Variants in TTC28 observed in about 807,000 individuals in gnomAD.
TTC28 encodes the protein tetratricopeptide repeat protein 28.
In TTC28, 61 loss-of-function variants were observed where a neutral mutation model predicts 198.0. That is an observed-to-expected ratio of 0.31 (90% CI 0.25 to 0.38). TTC28 has a LOEUF of 0.38. TTC28 is among the 10% of genes least tolerant of loss of function. TTC28 has a pLI of 1.00. For missense variants in TTC28, 2,678 were observed against 3,164.0 expected (o/e 0.85, Z 3.69); for synonymous variants, 1,171 against 1,297.8 (o/e 0.90, Z 2.10).
intron 2 of TTC28, among the ~76,000 whole-genome samples, chr22:28,450,093 T>C (rs2047758031): frequency 6.6e-6 from 1 of 152,126 alleles, no homozygotes; most frequent in Non-Finnish European, 1.5e-5. Flanking sequence ...TAAGGATATA[T>C]ATTGATGTAG....
intron 2 of TTC28, among the ~76,000 whole-genome samples, chr22:28,380,825 T>C (rs915076460): frequency 6.6e-6 from 1 of 152,166 alleles, no homozygotes; most frequent in Admixed American, 6.5e-5. Flanking sequence ...CAGGATGTGC[T>C]ATTATCACTA....
At chr22:28,086,202 G>A (rs1054428697) in intron 12 of TTC28, among the ~76,000 whole-genome samples, 3 of 152,174 alleles carry the variant, frequency 2.0e-5, no homozygotes, top group Non-Finnish European at 4.4e-5. Flanking sequence ...CAAATCAACA[G>A]AATATACATT....
At chr22:28,544,887 T>C (rs2049502942) in intron 2 of TTC28, among the ~76,000 whole-genome samples, 1 of 152,188 alleles carries the variant, frequency 6.6e-6, no homozygotes, top group Non-Finnish European at 1.5e-5. Flanking sequence ...TGCCCACCTC[T>C]TTCCCAGAAG....
At chr22:28,152,053 G>A (rs1396006584) in intron 6 of TTC28, among the ~76,000 whole-genome samples, 1 of 152,146 alleles carries the variant, frequency 6.6e-6, no homozygotes, top group African/African-American at 2.4e-5. Context: ...TTTGGATCCT[G>A]CCTCTGCTGC....
chr22:28,030,098 TG>T, intron 13 of TTC28, 127 bp downstream of exon 13: 1 of 1,346,564 alleles, frequency 7.4e-7, no homozygotes, highest in Non-Finnish European at 9.9e-7. Context: ...GCATCATGCT[TG>T]CTGCTGCAAA....
chr22:28,463,721 T>C (rs1056146814), intron 2 of TTC28, among the ~76,000 whole-genome samples: 3 of 151,568 alleles, frequency 2.0e-5, no homozygotes, highest in African/African-American at 4.9e-5. Context: ...ATGAGGACAC[T>C]TGGACACAGG....
chr22:28,276,829 T>A (rs1363107177), intron 5 of TTC28, among the ~76,000 whole-genome samples: 4 of 152,192 alleles, frequency 2.6e-5, no homozygotes, highest in Non-Finnish European at 4.4e-5. Flanking sequence ...GCTTATAAAT[T>A]CTGATCAACA....
chr22:28,328,699 A>T (rs1331138867), intron 2 of TTC28, among the ~76,000 whole-genome samples: 1 of 150,796 alleles, frequency 6.6e-6, no homozygotes, highest in African/African-American at 2.4e-5. Context: ...GGTTGCAGAG[A>T]GCCAAGATCG....
intron 6 of TTC28, among the ~76,000 whole-genome samples, chr22:28,143,476 G>A (rs1332264927): frequency 1.3e-5 from 2 of 152,168 alleles, no homozygotes; most frequent in African/African-American, 4.8e-5. Context: ...TTGTGTTGGA[G>A]AGCACTGGTG....
intron 14 of TTC28, among the ~76,000 whole-genome samples, chr22:28,010,881 A>G (rs1316700871): frequency 6.6e-6 from 1 of 152,102 alleles, no homozygotes; most frequent in Non-Finnish European, 1.5e-5. Flanking sequence ...GCTGCTTTGG[A>G]CCCCATACCA....
intron 2 of TTC28, among the ~76,000 whole-genome samples, chr22:28,620,144 G>A (rs550008678): frequency 1.2e-4 from 19 of 152,278 alleles, no homozygotes; most frequent in African/African-American, 4.6e-4. Context: ...GAGGTCAGGA[G>A]TTCGAGACCA....
intron 2 of TTC28, among the ~76,000 whole-genome samples, chr22:28,608,814 G>A (rs533597164): frequency 6.6e-6 from 1 of 152,174 alleles, no homozygotes; most frequent in Admixed American, 6.6e-5. Context: ...TGAGGACTAC[G>A]CTACCTGAGC....
intron 6 of TTC28, among the ~76,000 whole-genome samples, chr22:28,113,250 T>C (rs1175952017): frequency 6.6e-6 from 1 of 152,194 alleles, no homozygotes; most frequent in Admixed American, 6.5e-5. Context: ...GGTCTTCTCA[T>C]GTATTGAAAG....
rs149655220 is a variant in TTC28 at position 28,058,092 on chromosome 22, C to CT, written c.3933-27727dup. On this transcript the variant is annotated intron_variant, in intron 12 of 22. Transcript: ENST00000397906. ...TCTAGGTCAAATATCAGAAATGCTT[C>CT]TTTTTTTTTTCCTTAAAGGACAGAT... 2.2e-3 allele frequency among the ~76,000 whole-genome samples: 335 copies of CT among 149,066 alleles called. 4 individuals are homozygous for CT. The highest frequency in any genetic ancestry group is 5.9e-3 in the African/African-American group (239 of 40,718).
At chr22:28,030,192 T>C (rs1224279208) in intron 13 of TTC28, 34 bp downstream of exon 13, 26 of 1,550,480 alleles carry the variant, frequency 1.7e-5, no homozygotes, top group Non-Finnish European at 2.2e-5. Context: ...CACCCTGCCC[T>C]GCACTGGGCC....
chr22:27,986,195 T>C (rs1937209271), intron 21 of TTC28: 1 of 152,162 alleles, frequency 6.6e-6, no homozygotes, highest in South Asian at 2.1e-4. Context: ...TTGGATTGGT[T>C]CGCATGATAG....
At chr22:28,067,156 T>C (rs996121336) in intron 12 of TTC28, among the ~76,000 whole-genome samples, 10 of 152,332 alleles carry the variant, frequency 6.6e-5, no homozygotes, top group African/African-American at 2.4e-4. Context: ...AGGTATTATG[T>C]GTATTGTTAC....
chr22:28,624,768 G>C (rs9625512), intron 2 of TTC28, among the ~76,000 whole-genome samples: 20,775 of 151,196 alleles, frequency 0.14, 1,673 homozygotes, highest in African/African-American at 0.2. Flanking sequence ...ATACCAAAAC[G>C]AAACAAATAC....
chr22:28,110,231 C>T (rs1942445955), intron 6 of TTC28, among the ~76,000 whole-genome samples: 1 of 151,984 alleles, frequency 6.6e-6, no homozygotes, highest in Non-Finnish European at 1.5e-5. Flanking sequence ...TGGAGATCTG[C>T]CCTGCCACAA....
Sources: gnomAD v4.1 joint callset for allele counts (sites outside exome capture counted in the v4.1 genomes callset) on GRCh38, gnomAD v4.1.1 for gene constraint, MANE v1.5 for transcripts, NCBI Gene and HGNC (gene_info 2026-07-23, HGNC 2026-07-21) for gene names.